The following ZFC3H1 variants were observed in gnomAD, a reference collection of about 807,000 sequenced individuals.
ZFC3H1 encodes the protein zinc finger C3H1 domain-containing protein.
Under a neutral mutation model 243.7 loss-of-function variants are expected in ZFC3H1, and 71 were observed. The observed-to-expected ratio is 0.29, with a 90% CI of 0.24 to 0.36. The LOEUF is 0.36. Among genes scored for constraint, ZFC3H1 ranks in the 10% least tolerant of loss-of-function variants. The pLI is 1.00. For missense variants in ZFC3H1, 1,966 were observed against 2,317.1 expected (o/e 0.85, Z 3.11); for synonymous variants, 838 against 813.0 (o/e 1.03, Z -0.52).
chr12:71,634,074 A>AC (rs1269202213), intron 12 of ZFC3H1, 81 bp downstream of exon 12: 2 of 1,366,032 alleles, frequency 1.5e-6, no homozygotes, highest in Admixed American at 4.5e-5. Context: ...ATCTTATAGT[A>AC]CGCTTATTAA....
intron 13 of ZFC3H1, 25 bp from the exon 14 acceptor site, chr12:71,633,042 A>C: frequency 6.4e-7 from 1 of 1,564,294 alleles, no homozygotes; most frequent in South Asian, 1.2e-5. Context: ...ATAATCCTGA[A>C]AATGTAAATG....
chr12:71,658,240 G>A (rs1278307814), intron 1 of ZFC3H1, among the ~76,000 whole-genome samples: 1 of 146,930 alleles, frequency 6.8e-6, no homozygotes, highest in Non-Finnish European at 1.5e-5. Flanking sequence ...ATTAGCAAGA[G>A]AAAAGACAGT....
chr12:71,629,003 C>G lies in ZFC3H1; in HGVS notation c.3861G>C (p.Lys1287Asn), dbSNP rs376299458. 6.1e-5 allele frequency: 98 copies of G among 1,612,908 alleles called. No homozygotes were observed. The highest frequency in any genetic ancestry group is 7.9e-5 in the Non-Finnish European group (93 of 1,179,698). The change falls in exon 20 of 35, where the codon AAG becomes AAC. Residue 1287 changes from lysine to asparagine, a missense_variant. Physicochemically the swap from Lys to Asn is moderately conservative, Grantham distance 94. Transcript: ENST00000378743. ...PPFTTYKDKR[K>N]WKPKFWRKPI... Reference sequence around the variant, plus strand: ...GTTTTCTCCAAAACTTTGGCTTCCACTTTCTTTTATCTTTGTAGGTTGTAA... The same window carrying G: ...GTTTTCTCCAAAACTTTGGCTTCCAGTTTCTTTTATCTTTGTAGGTTGTAA...
Position 71,634,140 on chromosome 12 carries a change from G to A in ZFC3H1, c.2510+15C>T. 1.9e-6 allele frequency: 3 copies of A among 1,604,418 alleles called. No homozygotes were observed. Among genetic ancestry groups the A allele is most frequent in the Non-Finnish European group, 1.7e-6 (2 of 1,175,842 alleles). On this transcript the variant is annotated intron_variant, in intron 12 of 34. Coordinates refer to ENST00000378743, the MANE Select transcript of ZFC3H1 (RefSeq NM_144982.5). ...CCACAGGAACAATTAGATATGTGAA[G>A]ATAACAAGGCTCACCTATGTTTTTT...
chr12:71,643,582 AAGGG>A (rs1880654850), intron 5 of ZFC3H1, among the ~76,000 whole-genome samples: 2 of 152,046 alleles, frequency 1.3e-5, no homozygotes. Flanking sequence ...AGGGTAAAAG[AAGGG>A]AGGGAGAGAG....
At chr12:71,619,097 C>CT (rs142889446) in intron 27 of ZFC3H1, among the ~76,000 whole-genome samples, 8,854 of 152,226 alleles carry the variant, frequency 0.058, 359 homozygotes, top group South Asian at 0.087. Context: ...ATATGCCTTA[C>CT]TTTGTACAGT....
intron 1 of ZFC3H1, 28 bp downstream of exon 1, chr12:71,662,985 C>A: frequency 6.4e-7 from 1 of 1,562,682 alleles, no homozygotes; most frequent in Non-Finnish European, 8.6e-7. Flanking sequence ...AGTGACACAC[C>A]CAGCGCCGAC....
At chr12:71,626,591 A>T in intron 21 of ZFC3H1, 145 bp from the exon 22 acceptor site, 1 of 712,374 alleles carries the variant, frequency 1.4e-6, no homozygotes, top group Non-Finnish European at 2.1e-6. Flanking sequence ...AAGGGGTACT[A>T]GATTTCAGAT....
chr12:71,629,457 G>A (rs568184644), intron 19 of ZFC3H1, 152 bp downstream of exon 19: 13 of 545,492 alleles, frequency 2.4e-5, no homozygotes, highest in Admixed American at 3.5e-5. Flanking sequence ...GTGAGCCAGC[G>A]CACCCAGCCT....
intron 30 of ZFC3H1, 53 bp downstream of exon 30, chr12:71,614,481 TA>T: frequency 6.7e-7 from 1 of 1,482,744 alleles, no homozygotes. Flanking sequence ...CTATCATTTT[TA>T]AAGTCTCTTT....
intron 3 of ZFC3H1, among the ~76,000 whole-genome samples, chr12:71,646,446 A>G (rs1312374905): frequency 6.6e-6 from 1 of 152,192 alleles, no homozygotes; most frequent in Non-Finnish European, 1.5e-5. Context: ...TCACTTTTCA[A>G]GTTCTTCATA....
In ZFC3H1 at chr12:71,622,873, T is replaced by A. The variant is rs1030531075; in HGVS notation, c.4744+487A>T. ...TAGATTTTATCTTCTGACTAGGCTA[T>A]ATACTTCCTTCAGGAAGAGGCTTTA... On this transcript the variant is annotated intron_variant, in intron 24 of 34. Coordinates refer to ENST00000378743, the MANE Select transcript of ZFC3H1 (RefSeq NM_144982.5). Among the ~76,000 whole-genome samples, 3 of 152,220 alleles carry A rather than the reference T, an allele frequency of 2.0e-5. No homozygotes were observed. The East Asian group carries it at 5.8e-4, about 29-fold the overall frequency.
chr12:71,657,337 TTTTCCACAGTTAAA>T, intron 1 of ZFC3H1, 36 bp from the exon 2 acceptor site: 1 of 1,398,914 alleles, frequency 7.1e-7, no homozygotes, highest in Non-Finnish European at 9.4e-7. Context: ...TTTCCAAAAA[TTTTCCACAGTTAAA>T]TTTAACAAAA....
chr12:71,636,646 G>A lies in ZFC3H1; in HGVS notation c.1944C>T (p.Ser648=), dbSNP rs747196692. The A allele has an allele frequency of 1.9e-6, 3 of 1,605,376 alleles. No homozygotes were observed. The South Asian group carries it at 3.4e-5, about 18-fold the overall frequency. ...GAGGTGAAGGTGGGTCACTATTACT[G>A]GATGTTTCCTACATAAGGAAGAGAA... ...NKRAFKPEET[S]SNSDPPSPPV... is the part of the protein sequence containing the mutation. Residue 648 remains serine (S), a synonymous_variant, in exon 9 of 35, where the codon TCC becomes TCT. Transcript: ENST00000378743.
chr12:71,625,277 T>C (rs895328004), intron 22 of ZFC3H1, among the ~76,000 whole-genome samples: 3 of 152,212 alleles, frequency 2.0e-5, no homozygotes, highest in South Asian at 4.1e-4. Context: ...TTGACAGCAA[T>C]AGATTTATTT....
intron 19 of ZFC3H1, among the ~76,000 whole-genome samples, chr12:71,629,301 G>A (rs1176900026): frequency 6.6e-6 from 1 of 151,716 alleles, no homozygotes; most frequent in Non-Finnish European, 1.5e-5. Flanking sequence ...AAGTAGCTGA[G>A]GCTGCAGGCA....
intron 29 of ZFC3H1, 43 bp from the exon 30 acceptor site, chr12:71,614,743 T>C (rs1326021778): frequency 1.3e-6 from 2 of 1,591,284 alleles, no homozygotes; most frequent in Non-Finnish European, 1.7e-6. Flanking sequence ...ACTAAGACAG[T>C]AGTTCTCTCA....
Position 71,627,899 on chromosome 12 carries a change from G to C in ZFC3H1, c.3982C>G (p.Leu1328Val). ...QPENQINVPA[L>V]DTVVTPDDVR... ...TCATCTGGAGTGACAACTGTATCCA[G>C]AGCTGGAACATTTATTTGGTTCTCT... The change falls in exon 21 of 35, where the codon CTG becomes GTG. Residue 1328 changes from leucine (L) to valine (V), a missense_variant. Transcript: ENST00000378743. The C allele has an allele frequency of 6.2e-7, 1 of 1,612,486 alleles. No homozygotes were observed. Among genetic ancestry groups the C allele is most frequent in the South Asian group, 1.1e-5 (1 of 90,534 alleles).
chr12:71,654,472 A>C (rs557656811), intron 2 of ZFC3H1, among the ~76,000 whole-genome samples: 29 of 152,306 alleles, frequency 1.9e-4, no homozygotes, highest in African/African-American at 6.3e-4. Flanking sequence ...ATATTTATAC[A>C]TATATAATTC....
Sources: allele counts gnomAD v4.1 joint callset (sites outside exome capture counted in the v4.1 genomes callset), GRCh38; gene constraint gnomAD v4.1.1; transcripts MANE v1.5; gene names NCBI Gene and HGNC (gene_info 2026-07-23, HGNC 2026-07-21).